Variants in ELP4 observed in about 807,000 individuals in gnomAD.
ELP4 encodes elongator complex protein 4.
A neutral mutation model predicts 48.9 loss-of-function variants in ELP4; 51 were observed. The observed-to-expected ratio is 1.04, with a 90% CI of 0.83 to 1.32. The LOEUF (loss-of-function observed/expected upper bound fraction) is 1.32. Among genes scored for constraint, ELP4 ranks in the 40% most tolerant of loss-of-function variants. The probability of loss-of-function intolerance (pLI) is 0.00; values close to 1 mark genes in which losing one functional copy is unlikely to be tolerated. For missense variants in ELP4, 519 were observed against 514.6 expected, an observed-to-expected ratio of 1.01 and a Z score of -0.08; for synonymous variants, 210 against 189.2, an observed-to-expected ratio of 1.11 and a Z score of -0.90.
In ELP4 at chr11:31,539,538, T is replaced by C. The variant is rs370400207; in HGVS notation, c.260-124T>C. 43 of 912,226 alleles carry C rather than the reference T, an allele frequency of 4.7e-5. 1 individual carries two copies. In the East Asian group the frequency reaches 7.2e-4, roughly 15 times the overall value. 56.5% of individuals were successfully genotyped at this position (912,226 alleles called of 1,614,324 possible). A position where few individuals can be genotyped will look rare whatever the true frequency, so the allele number is the denominator to read the frequency against. On this transcript the variant is annotated intron_variant, in intron 2 of 9. Coordinates refer to ENST00000640961, the MANE Select transcript of ELP4 (RefSeq NM_019040.5). ...ATGCCTCAGGAATACGCAGTTTTTG[T>C]TCCACCTCATATACTTGTTTTAAGG...
intron 9 of ELP4, among the ~76,000 whole-genome samples, chr11:31,666,645 T>A (rs575511543): frequency 1.7e-4 from 25 of 149,476 alleles, no homozygotes; most frequent in Non-Finnish European, 3.1e-4. Context: ...TGAGCCGAGA[T>A]TGCGCCACTG....
chr11:31,661,132 C>G (rs973135360), intron 9 of ELP4, among the ~76,000 whole-genome samples: 1 of 151,978 alleles, frequency 6.6e-6, no homozygotes, highest in Non-Finnish European at 1.5e-5. Context: ...GACACAGCAA[C>G]CATACACACA....
In ELP4 at chr11:31,698,128, G is replaced by A. The variant is rs542476767; in HGVS notation, c.1143+47907G>A. On this transcript the variant is annotated intron_variant, in intron 9 of 9. Coordinates refer to ENST00000640961, the MANE Select transcript of ELP4 (RefSeq NM_019040.5). ...GTTGTTTAACCTTCCCAGCTGTAGC[G>A]GGGGTGGCGTGTTAGTCTAATCTGG... Among the ~76,000 whole-genome samples, 183 of 152,208 alleles carry A rather than the reference G, an allele frequency of 1.2e-3. 1 individual carries two copies. The highest frequency in any genetic ancestry group is 2.2e-3 in the Non-Finnish European group (151 of 68,006).
At chr11:31,739,810 G>C (rs1206806727) in intron 9 of ELP4, among the ~76,000 whole-genome samples, 1 of 152,122 alleles carries the variant, frequency 6.6e-6, no homozygotes, top group African/African-American at 2.4e-5. Flanking sequence ...CAGACCACAA[G>C]GAAGTCCATA....
intron 9 of ELP4, among the ~76,000 whole-genome samples, chr11:31,679,791 A>G (rs2134120473): frequency 6.6e-6 from 1 of 152,270 alleles, no homozygotes; most frequent in South Asian, 2.1e-4. Flanking sequence ...TATAAGCTTT[A>G]GAGTCAGTTT....
chr11:31,780,989 C>A (rs924609144), intron 9 of ELP4, among the ~76,000 whole-genome samples: 1 of 152,206 alleles, frequency 6.6e-6, no homozygotes, highest in Non-Finnish European at 1.5e-5. Context: ...TGTTTTCCTT[C>A]GCCAACTGTG....
intron 4 of ELP4, among the ~76,000 whole-genome samples, chr11:31,601,721 G>A (rs1957787146): frequency 6.6e-6 from 1 of 152,198 alleles, no homozygotes; most frequent in South Asian, 2.1e-4. Flanking sequence ...TAAAAGAAGT[G>A]AAAAGTCTCT....
At chr11:31,604,033 T>C (rs2134003059) in intron 5 of ELP4, 126 bp downstream of exon 5, 2 of 672,758 alleles carry the variant, frequency 3.0e-6, no homozygotes, top group South Asian at 9.0e-5. Flanking sequence ...TAGTTTTCTA[T>C]ATAATTTGTA....
chr11:31,523,033 T>G (rs1032761256), intron 2 of ELP4, among the ~76,000 whole-genome samples: 4 of 143,148 alleles, frequency 2.8e-5, no homozygotes, highest in Admixed American at 2.1e-4. Context: ...AATTTTTTAT[T>G]TATTAATTTT....
chr11:31,707,304 A>C, intron 9 of ELP4: 1 of 289,966 alleles, frequency 3.4e-6, no homozygotes, highest in Non-Finnish European at 6.3e-6. Flanking sequence ...CTTGATGTTC[A>C]ACTGAAAATA....
chr11:31,754,033 G>A (rs1947782123), intron 9 of ELP4, among the ~76,000 whole-genome samples: 1 of 152,060 alleles, frequency 6.6e-6, no homozygotes, highest in Non-Finnish European at 1.5e-5. Context: ...TATTTTCTGA[G>A]TTTTCTATAT....
chr11:31,671,216 G>A (rs969074064), intron 9 of ELP4, among the ~76,000 whole-genome samples: 3 of 152,048 alleles, frequency 2.0e-5, no homozygotes, highest in African/African-American at 7.2e-5. Flanking sequence ...ACATTTATAC[G>A]TTGAATCACA....
rs759391101 is a variant in ELP4 at position 31,789,912 on chromosome 11, C to CT, written c.*6411dup. 29,682 of 1,028,196 alleles carry CT rather than the reference C, an allele frequency of 0.029. 572 individuals are homozygous for CT. The highest frequency in any genetic ancestry group is 0.14 in the African/African-American group (6,173 of 45,630). The allele number at this position is 1,028,196 out of a possible 1,614,324, so 63.7% of individuals were successfully genotyped here. On this transcript the variant is annotated 3_prime_UTR_variant, in exon 10 of 10. Transcript: ENST00000640961. Reference sequence around the variant, plus strand: ...CTGAATTAACACAATATTTCCTTTCCTTTTTTTTTTTTTTTTTTTTTTTAC... The same window carrying CT: ...CTGAATTAACACAATATTTCCTTTCCTTTTTTTTTTTTTTTTTTTTTTTTAC...
chr11:31,617,841 A>G (rs1230865792), intron 5 of ELP4, among the ~76,000 whole-genome samples: 1 of 152,048 alleles, frequency 6.6e-6, no homozygotes, highest in Admixed American at 6.6e-5. Flanking sequence ...CAAGGATGTG[A>G]AGAAATCAAA....
At position 31,627,127 on chromosome 11, in the gene ELP4, A is replaced by T; in HGVS notation, c.671A>T (p.Tyr224Phe). The T allele has an allele frequency of 6.2e-7, 1 of 1,608,178 alleles. No individual in the cohort carries two copies. Among genetic ancestry groups the T allele is most frequent in the Non-Finnish European group, 8.5e-7 (1 of 1,176,176 alleles). The change falls in exon 6 of 10, where the codon TAC (tyrosine) becomes TTC (phenylalanine). Residue 224 changes from tyrosine to phenylalanine, a missense_variant. Coordinates refer to ENST00000640961, the MANE Select transcript of ELP4 (RefSeq NM_019040.5). Reference protein sequence around the residue: ...KVEPCSLTPGYTKLLQFIQNI... With the variant: ...KVEPCSLTPGFTKLLQFIQNI... ...ACCAACAGTTCTTTGACCCCTGGCTACACAAAGCTGCTTCAGTTTATCCAG... is the reference window on the plus strand; with the variant it reads ...ACCAACAGTTCTTTGACCCCTGGCTTCACAAAGCTGCTTCAGTTTATCCAG...
intron 9 of ELP4, among the ~76,000 whole-genome samples, chr11:31,667,126 T>C (rs905468599): frequency 8.3e-4 from 126 of 152,320 alleles, no homozygotes; most frequent in African/African-American, 3.0e-3. Context: ...ATGCAGTCTA[T>C]TTGCATCTGT....
intron 4 of ELP4, among the ~76,000 whole-genome samples, chr11:31,595,775 T>C (rs975569119): frequency 6.6e-6 from 1 of 152,208 alleles, no homozygotes; most frequent in African/African-American, 2.4e-5. Context: ...CCGCTACCAC[T>C]AATGAAAGTT....
At chr11:31,695,330 C>T (rs1364575981) in intron 9 of ELP4, among the ~76,000 whole-genome samples, 1 of 152,126 alleles carries the variant, frequency 6.6e-6, no homozygotes, top group East Asian at 1.9e-4. Flanking sequence ...AGATATGTCC[C>T]ATCAATACCT....
intron 7 of ELP4, among the ~76,000 whole-genome samples, chr11:31,635,802 G>A (rs2134051614): frequency 6.6e-6 from 1 of 152,078 alleles, no homozygotes; most frequent in South Asian, 2.1e-4. Flanking sequence ...ACAGAGATCA[G>A]GCTACAAAAA....
Sources: allele counts gnomAD v4.1 joint callset (sites outside exome capture counted in the v4.1 genomes callset), GRCh38; gene constraint gnomAD v4.1.1; transcripts MANE v1.5; gene names NCBI Gene and HGNC (gene_info 2026-07-23, HGNC 2026-07-21).